TGIF1: variants seen among roughly 807,000 people sequenced by gnomAD.
The protein encoded by TGIF1 is homeobox protein TGIF1.
Under a neutral mutation model 19.3 loss-of-function variants are expected in TGIF1, and 4 were observed. The observed-to-expected ratio is 0.21, with a 90% CI of 0.10 to 0.47. The LOEUF is 0.47. Among genes scored for constraint, TGIF1 ranks in the 20% least tolerant of loss-of-function variants. The pLI is 0.98. For missense variants in TGIF1, 275 were observed against 341.4 expected (o/e 0.81, Z 1.53); for synonymous variants, 122 against 129.3 (o/e 0.94, Z 0.38).
Position 3,451,129 on chromosome 18 carries a change from CTA to C in TGIF1, c.16+625_16+626del, listed in dbSNP as rs2082911319. ...CTAGACTTTTACAAATCCCCAGTCT[CTA>C]AAAGTTTTCCCACGATGAATTTTGG... On this transcript the variant is annotated intron_variant, in intron 1 of 2. Coordinates refer to ENST00000343820, the MANE Select transcript of TGIF1 (RefSeq NM_003244.4). This position sits in a 1 kb window ranked among gnomAD's most constrained non-coding sequence, Gnocchi z 5.4. Among the ~76,000 whole-genome samples the C allele has an allele frequency of 6.6e-6, 1 of 151,264 alleles. No individual in the cohort carries two copies. Among genetic ancestry groups the C allele is most frequent in the Non-Finnish European group, 1.5e-5 (1 of 67,720 alleles).
upstream of TGIF1, chr18:3,449,462 C>T: frequency 1.0e-6 from 1 of 985,520 alleles, no homozygotes; most frequent in Non-Finnish European, 1.2e-6. Flanking sequence ...GATTTCGAAA[C>T]TGCCTTGCAA....
At chr18:3,413,294 T>C (rs1031577920) in intron 1 of TGIF1, among the ~76,000 whole-genome samples, 2 of 152,256 alleles carry the variant, frequency 1.3e-5, no homozygotes, top group African/African-American at 4.8e-5. Context: ...TTATTCTTCT[T>C]GGCCCTGCCC....
rs7227091 is a variant in TGIF1, at chr18:3,435,237, G to C, written c.-45+17022G>C. Among the ~76,000 whole-genome samples the C allele has an allele frequency of 6.4e-3, 964 of 151,572 alleles. 10 individuals are homozygous for C. The highest frequency in any genetic ancestry group is 0.022 in the African/African-American group (928 of 41,280). On this transcript the variant is annotated intron_variant, in intron 2 of 3. Transcript: ENST00000401449. ...AGATGGAGTCTTGCTCTCTTGCCCA[G>C]GCTGGAGTGCAGTGGTGTGATCTCG... is the stretch of plus-strand genomic sequence containing the variant.
chr18:3,450,633 G>A (rs1311770705), intron 1 of TGIF1, 128 bp downstream of exon 1: 33 of 1,524,096 alleles, frequency 2.2e-5, no homozygotes, highest in Non-Finnish European at 2.8e-5. Context: ...AGTGGCGGCC[G>A]TGCTCTTTGT....
intron 2 of TGIF1, among the ~76,000 whole-genome samples, chr18:3,427,439 G>A (rs2082486940): frequency 6.6e-6 from 1 of 151,442 alleles, no homozygotes; most frequent in Non-Finnish European, 1.5e-5. Context: ...CTACAGGTGT[G>A]CGCCACCACA....
Position 3,459,369 on chromosome 18 carries a change from ACTG to A in TGIF1, c.*1433_*1435del, listed in dbSNP as rs953284628. On this transcript the variant is annotated 3_prime_UTR_variant, in exon 3 of 3. Coordinates refer to ENST00000343820, the MANE Select transcript of TGIF1 (RefSeq NM_003244.4). The stretch of plus-strand genomic sequence containing the variant: ...CTTTCCTTGTAAGTGAAAGAAAAAA[ACTG>A]CTGATGATTACCAAGAGGCGTAAGA... The A allele has an allele frequency of 2.6e-5, 4 of 152,182 alleles. No individual in the cohort carries two copies. Among genetic ancestry groups the A allele is most frequent in the African/African-American group, 9.7e-5 (4 of 41,438 alleles). 9.4% of individuals were successfully genotyped at this position (152,182 alleles called of 1,614,324 possible). A position where few individuals can be genotyped will look rare whatever the true frequency, so the allele number is the denominator to read the frequency against.
In TGIF1 at chr18:3,435,982, C is replaced by A. The variant is rs1407081907; in HGVS notation, c.-45+17767C>A. 2.6e-5 allele frequency among the ~76,000 whole-genome samples: 4 copies of A among 151,074 alleles called. No individual in the cohort carries two copies. In the South Asian group the frequency reaches 6.3e-4, roughly 24 times the overall value. On this transcript the variant is annotated intron_variant, in intron 2 of 3. Transcript: ENST00000401449. ...CTCAAACGATCTTCCTGTCTCTCTGCCACCTGAGTTTCTGGGATTACAGGC... is the reference window on the plus strand; with the variant it reads ...CTCAAACGATCTTCCTGTCTCTCTGACACCTGAGTTTCTGGGATTACAGGC...
At chr18:3,428,607 C>G (rs566895688) in intron 2 of TGIF1, among the ~76,000 whole-genome samples, 1 of 151,920 alleles carries the variant, frequency 6.6e-6, no homozygotes, top group African/African-American at 2.4e-5. Flanking sequence ...CATGGTGGCA[C>G]GCGCCTGTAG....
chr18:3,456,068 CGAAA>C lies in TGIF1; in HGVS notation c.17-283_17-280del. The C allele has an allele frequency of 2.1e-6, 1 of 466,796 alleles. No homozygotes were observed. Among genetic ancestry groups the C allele is most frequent in the Non-Finnish European group, 4.0e-6 (1 of 253,034 alleles). 28.9% of individuals were successfully genotyped at this position (466,796 alleles called of 1,614,324 possible). On this transcript the variant is annotated intron_variant, in intron 1 of 2. Coordinates refer to ENST00000343820, the MANE Select transcript of TGIF1 (RefSeq NM_003244.4). This position sits in a 1 kb window ranked among gnomAD's most constrained non-coding sequence, Gnocchi z 4.2. The stretch of plus-strand genomic sequence containing the variant: ...CAGTTTGTCTCCTCCAATGATTAGA[CGAAA>C]GAGTTTTCTGACCATCATTCAAAAG...
rs2049376112 is a variant in TGIF1, at chr18:3,456,947, A to G, written c.243+367A>G. The stretch of plus-strand genomic sequence containing the variant: ...GACACAGTCATTTGAACTGGGAAAA[A>G]TCAGTTACTGGGAGGAGTGGCCCTT... On this transcript the variant is annotated intron_variant, in intron 2 of 2. Coordinates refer to ENST00000343820, the MANE Select transcript of TGIF1 (RefSeq NM_003244.4). This position sits in a 1 kb window ranked among gnomAD's most constrained non-coding sequence, Gnocchi z 4.2. The G allele has an allele frequency of 1.7e-6, 1 of 580,822 alleles. No individual in the cohort carries two copies. The highest frequency in any genetic ancestry group is 1.9e-5 in the African/African-American group (1 of 53,564). 36.0% of individuals were successfully genotyped at this position (580,822 alleles called of 1,614,324 possible). A position where few individuals can be genotyped will look rare whatever the true frequency, so the allele number is the denominator to read the frequency against.
At chr18:3,425,952 C>T (rs1361966812) in intron 2 of TGIF1, among the ~76,000 whole-genome samples, 1 of 152,062 alleles carries the variant, frequency 6.6e-6, no homozygotes, top group Admixed American at 6.6e-5. Flanking sequence ...AAACCCGCAC[C>T]ATCCCCCTGC....
At chr18:3,444,299 T>TC (rs1274405104) in intron 2 of TGIF1, among the ~76,000 whole-genome samples, 1 of 131,196 alleles carries the variant, frequency 7.6e-6, no homozygotes, top group East Asian at 1.9e-4. Flanking sequence ...TTTTTTTTTT[T>TC]TTGTCTTTTT....
intron 2 of TGIF1, among the ~76,000 whole-genome samples, chr18:3,428,634 G>A (rs2082505558): frequency 6.6e-6 from 1 of 152,138 alleles, no homozygotes; most frequent in Non-Finnish European, 1.5e-5. Context: ...CTGTTTAGGA[G>A]GCTGAGGCGG....
chr18:3,452,830 T>C (rs1265305302), intron 1 of TGIF1, among the ~76,000 whole-genome samples: 1 of 152,156 alleles, frequency 6.6e-6, no homozygotes, highest in Admixed American at 6.5e-5. Context: ...CAAGTGCACT[T>C]TCAGCTCCAT....
intron 2 of TGIF1, among the ~76,000 whole-genome samples, chr18:3,439,427 A>G (rs557766905): frequency 3.3e-4 from 50 of 151,170 alleles, no homozygotes; most frequent in African/African-American, 1.1e-3. Flanking sequence ...GCTCACCGCA[A>G]CCTCCTCCCA....
At chr18:3,416,751 G>C (rs986235255) in intron 1 of TGIF1, among the ~76,000 whole-genome samples, 1 of 152,132 alleles carries the variant, frequency 6.6e-6, no homozygotes, top group Admixed American at 6.5e-5. Context: ...GGCCAACATG[G>C]TGAATCCCCA....
upstream of TGIF1, chr18:3,448,324 C>G (rs2082786351): frequency 1.0e-6 from 1 of 985,326 alleles, no homozygotes; most frequent in Admixed American, 6.1e-5. Flanking sequence ...CAATCCCAGC[C>G]ACAGACAACC....
chr18:3,426,838 C>T (rs1354040255), intron 2 of TGIF1, among the ~76,000 whole-genome samples: 1 of 150,768 alleles, frequency 6.6e-6, no homozygotes, highest in Non-Finnish European at 1.5e-5. Flanking sequence ...AAATGCCAAA[C>T]ATGAGAAAGT....
intron 2 of TGIF1, among the ~76,000 whole-genome samples, chr18:3,426,916 C>CTTTT (rs545236407): frequency 8.0e-5 from 8 of 100,068 alleles, no homozygotes; most frequent in East Asian, 2.8e-4. Context: ...AGGATGATCT[C>CTTTT]TTTTTTTTTT....
Sources: allele counts gnomAD v4.1 joint callset (sites outside exome capture counted in the v4.1 genomes callset), GRCh38; gene constraint gnomAD v4.1.1; non-coding constraint Gnocchi (gnomAD v3.1); transcripts MANE v1.5; gene names NCBI Gene and HGNC (gene_info 2026-07-23, HGNC 2026-07-21).